Variants in RYR3 observed in about 807,000 individuals in gnomAD.
RYR3 encodes the protein brain ryanodine receptor-calcium release channel.
A neutral mutation model predicts 584.3 loss-of-function variants in RYR3; 207 were observed. The ratio of observed to expected loss-of-function variants is 0.35; its 90% CI spans 0.32 to 0.40. The LOEUF is 0.40. Ranked by LOEUF, RYR3 falls within the 10% of genes least tolerant of loss-of-function variation. The pLI is 1.00. For missense variants in RYR3, 5,616 were observed against 6,089.2 expected (o/e 0.92, Z 2.59); for synonymous variants, 2,416 against 2,248.5 (o/e 1.07, Z -2.11).
At chr15:33,772,883 A>T (rs1236064793) in intron 63 of RYR3, among the ~76,000 whole-genome samples, 2 of 152,222 alleles carry the variant, frequency 1.3e-5, no homozygotes, top group Non-Finnish European at 2.9e-5. Flanking sequence ...GGAAAAGAAA[A>T]CATTAAATTA....
chr15:33,815,712 C>T, intron 74 of RYR3: 1 of 392,670 alleles, frequency 2.5e-6, no homozygotes, highest in Non-Finnish European at 4.5e-6. Flanking sequence ...TTCTCTTCTC[C>T]ACCTTGTGAT....
chr15:33,346,467 A>G (rs1972475627), intron 1 of RYR3, among the ~76,000 whole-genome samples: 1 of 152,238 alleles, frequency 6.6e-6, no homozygotes, highest in African/African-American at 2.4e-5. Context: ...CAGCTGCAAG[A>G]GCAGGAACCC....
At chr15:33,530,559 A>G in intron 3 of RYR3, 33 bp from the exon 4 acceptor site, 2 of 1,501,302 alleles carry the variant, frequency 1.3e-6, no homozygotes, top group Non-Finnish European at 1.9e-6. Context: ...CACAACGGGC[A>G]TGTGCTGACC....
chr15:33,738,297 T>C (rs1268104401), intron 49 of RYR3, among the ~76,000 whole-genome samples, 153 bp from the exon 50 acceptor site: 1 of 152,040 alleles, frequency 6.6e-6, no homozygotes, highest in Non-Finnish European at 1.5e-5. Context: ...TTCCCAGCGG[T>C]GTTTGAAGGG....
At position 33,595,008 on chromosome 15, in the gene RYR3, T is replaced by G. The variant is rs1010418902; in HGVS notation, c.1789-6411T>G. On this transcript the variant is annotated intron_variant, in intron 16 of 103. Coordinates refer to ENST00000634891, the MANE Select transcript of RYR3 (RefSeq NM_001036.6). ...TTGACAATGCTTCCTGTATAATTTT[T>G]ATACCAAATAAGCTAAATTATGTCA... 9.8e-5 allele frequency among the ~76,000 whole-genome samples: 15 copies of G among 152,350 alleles called. 1 individual carries two copies. Among genetic ancestry groups the G allele is most frequent in the Admixed American group, 5.9e-4 (9 of 15,308 alleles).
intron 11 of RYR3, among the ~76,000 whole-genome samples, chr15:33,565,533 T>C (rs1184330956): frequency 6.6e-6 from 1 of 152,200 alleles, no homozygotes. Flanking sequence ...GTTGTTTCTT[T>C]ATGCTAAAAA....
intron 10 of RYR3, among the ~76,000 whole-genome samples, chr15:33,558,258 C>T (rs1263618597): frequency 1.3e-5 from 2 of 151,780 alleles, no homozygotes; most frequent in African/African-American, 4.8e-5. Context: ...CCCCCCACCC[C>T]ACAACAGGCC....
At position 33,780,282 on chromosome 15, in the gene RYR3, C is replaced by T; in HGVS notation, c.9209C>T (p.Thr3070Ile). Reference sequence around the variant, plus strand: ...ATACCAGTGGCATTCCTGGAGCCCACCCTTAATCGCTACAATCCACTCTCG... The same window carrying T: ...ATACCAGTGGCATTCCTGGAGCCCATCCTTAATCGCTACAATCCACTCTCG... ...AAIPVAFLEP[T>I]LNRYNPLSVF... Residue 3070 changes from threonine to isoleucine, a missense_variant, in exon 65 of 104, where the codon ACC becomes ATC. By Grantham distance (89) the Thr-to-Ile change is moderately conservative. Transcript: ENST00000634891. The T allele has an allele frequency of 1.2e-6, 2 of 1,613,910 alleles. No homozygotes were observed. Among genetic ancestry groups the T allele is most frequent in the Non-Finnish European group, 1.7e-6 (2 of 1,179,816 alleles).
intron 98 of RYR3, 69 bp downstream of exon 98, chr15:33,854,981 T>G: frequency 7.0e-7 from 1 of 1,437,362 alleles, no homozygotes; most frequent in South Asian, 1.4e-5. Flanking sequence ...CAGCAGGTAG[T>G]ATACAGTATA....
chr15:33,397,243 A>G (rs529024756), intron 1 of RYR3, among the ~76,000 whole-genome samples: 1 of 152,342 alleles, frequency 6.6e-6, no homozygotes, highest in Admixed American at 6.5e-5. Context: ...TAGGGATAGG[A>G]CTTTATGCTG....
intron 3 of RYR3, among the ~76,000 whole-genome samples, chr15:33,504,492 C>T (rs1567391772): frequency 6.6e-6 from 1 of 152,168 alleles, no homozygotes; most frequent in Non-Finnish European, 1.5e-5. Flanking sequence ...GATGACTGTC[C>T]TCTACCTTTT....
At chr15:33,503,020 GT>G (rs2052135665) in intron 2 of RYR3, among the ~76,000 whole-genome samples, 1 of 152,184 alleles carries the variant, frequency 6.6e-6, no homozygotes, top group South Asian at 2.1e-4. Context: ...AGGCATGAAT[GT>G]CACGATGTTA....
At chr15:33,339,651 A>G (rs1052729701) in intron 1 of RYR3, among the ~76,000 whole-genome samples, 3 of 152,186 alleles carry the variant, frequency 2.0e-5, no homozygotes, top group African/African-American at 7.2e-5. Context: ...GCACTTTGGG[A>G]GGCCGAGGCG....
chr15:33,721,514 C>T (rs1011940524), intron 43 of RYR3, among the ~76,000 whole-genome samples: 2 of 152,212 alleles, frequency 1.3e-5, no homozygotes, highest in African/African-American at 4.8e-5. Flanking sequence ...GATTATCGCT[C>T]AGTTCTCCAA....
intron 1 of RYR3, among the ~76,000 whole-genome samples, chr15:33,449,446 C>T (rs1181010466): frequency 6.6e-6 from 1 of 152,184 alleles, no homozygotes; most frequent in East Asian, 1.9e-4. Flanking sequence ...CCACTAGGTC[C>T]AGCCCATACT....
At chr15:33,566,424 T>C (rs2057718791) in intron 11 of RYR3, among the ~76,000 whole-genome samples, 2 of 152,202 alleles carry the variant, frequency 1.3e-5, no homozygotes, top group African/African-American at 2.4e-5. Flanking sequence ...CTGAGGAATA[T>C]GTGGTAACTC....
chr15:33,832,187 G>A (rs534903530), intron 86 of RYR3, among the ~76,000 whole-genome samples: 6 of 151,926 alleles, frequency 3.9e-5, no homozygotes, highest in South Asian at 2.1e-4. Context: ...CCCGCTACTC[G>A]GGAGCCTGAG....
chr15:33,757,743 T>G (rs1402487897), intron 60 of RYR3, 147 bp downstream of exon 60: 5 of 803,362 alleles, frequency 6.2e-6, no homozygotes. Context: ...AGAAACTATA[T>G]TCATACATAT....
intron 67 of RYR3, among the ~76,000 whole-genome samples, chr15:33,794,941 A>G (rs983225348): frequency 1.3e-5 from 2 of 152,192 alleles, no homozygotes; most frequent in East Asian, 3.8e-4. Flanking sequence ...GTGGGGAGCA[A>G]AAGACAACAG....
Sources: gnomAD v4.1 joint callset for allele counts (sites outside exome capture counted in the v4.1 genomes callset) on GRCh38, gnomAD v4.1.1 for gene constraint, MANE v1.5 for transcripts, NCBI Gene and HGNC (gene_info 2026-07-23, HGNC 2026-07-21) for gene names.